The following ULK4 variants were observed in gnomAD, a reference collection of about 807,000 sequenced individuals.
ULK4 encodes inactive serine/threonine-protein kinase ULK4.
A neutral mutation model predicts 160.6 loss-of-function variants in ULK4; 133 were observed. That is an observed-to-expected ratio of 0.83 (90% CI 0.72 to 0.96). The LOEUF is 0.96. ULK4 is among the 40% of genes least tolerant of loss of function. The pLI is 0.00. For synonymous variants in ULK4, 534 were observed against 539.8 expected, an observed-to-expected ratio of 0.99 and a Z score of 0.15; for missense variants, 1,580 against 1,499.5, an observed-to-expected ratio of 1.05 and a Z score of -0.89.
intron 22 of ULK4, among the ~76,000 whole-genome samples, chr3:41,721,306 T>C (rs1179361593): frequency 8.8e-6 from 1 of 113,956 alleles, no homozygotes; most frequent in Non-Finnish European, 1.7e-5. Context: ...CATGAGTATG[T>C]GTTACCTACT....
chr3:41,925,233 C>G (rs1699336703), intron 5 of ULK4, among the ~76,000 whole-genome samples: 1 of 152,148 alleles, frequency 6.6e-6, no homozygotes, highest in South Asian at 2.1e-4. Flanking sequence ...GGTTGGACAG[C>G]GGGTGCAGCC....
Position 41,800,227 on chromosome 3 carries a change from G to C in ULK4, c.1915C>G (p.Gln639Glu), listed in dbSNP as rs184307431. The change falls in exon 20 of 37, where the codon CAG (glutamine) becomes GAG (glutamate). Residue 639 changes from glutamine (Q) to glutamate (E), a missense_variant. Transcript: ENST00000301831. ...IENVCTTFSA[Q>E]SQGFITGEIG... ...TCTCCTGTAATAAAGCCCTGGGACT[G>C]AGCAGAAAAGGTGGTACAGACATTT... 16 of 1,613,672 alleles carry C rather than the reference G, an allele frequency of 9.9e-6. No individual in the cohort carries two copies. In the East Asian group the frequency reaches 1.6e-4, roughly 16 times the overall value.
intron 17 of ULK4, among the ~76,000 whole-genome samples, chr3:41,853,313 T>C (rs945489723): frequency 6.6e-6 from 1 of 152,150 alleles, no homozygotes; most frequent in African/African-American, 2.4e-5. Flanking sequence ...TGCCTGCACA[T>C]GAGAATCACC....
At chr3:41,598,905 T>C (rs2031873355) in intron 31 of ULK4, among the ~76,000 whole-genome samples, 2 of 152,256 alleles carry the variant, frequency 1.3e-5, no homozygotes, top group Non-Finnish European at 2.9e-5. Flanking sequence ...GACAGTTCAC[T>C]GGAACAGAAA....
At chr3:41,321,604 C>G (rs750935192) in intron 35 of ULK4, among the ~76,000 whole-genome samples, 1 of 151,896 alleles carries the variant, frequency 6.6e-6, no homozygotes, top group Non-Finnish European at 1.5e-5. Context: ...TCAGCCAGAG[C>G]GAGGGAAAGA....
chr3:41,774,392 C>A (rs1287118627), intron 21 of ULK4, among the ~76,000 whole-genome samples: 1 of 150,564 alleles, frequency 6.6e-6, no homozygotes, highest in Admixed American at 6.6e-5. Context: ...ACCAAACAAC[C>A]CCATCACAAA....
intron 1 of ULK4, among the ~76,000 whole-genome samples, chr3:41,957,447 T>TGAA (rs751821456): frequency 0.012 from 203 of 17,360 alleles, 3 homozygotes; most frequent in Non-Finnish European, 0.056. Context: ...AGAGCACCAC[T>TGAA]CAAAAAAAAA....
At chr3:41,374,987 C>T (rs189875617) in intron 35 of ULK4, among the ~76,000 whole-genome samples, 5 of 151,066 alleles carry the variant, frequency 3.3e-5, no homozygotes, top group South Asian at 2.1e-4. Context: ...TTCTTATACA[C>T]CAGTAACAGA....
intron 21 of ULK4, among the ~76,000 whole-genome samples, chr3:41,761,354 T>C (rs2038979091): frequency 6.7e-6 from 1 of 148,582 alleles, no homozygotes; most frequent in Non-Finnish European, 1.5e-5. Context: ...CATATATGTA[T>C]ATGTATTATA....
chr3:41,395,191 CAAAAAA>C (rs11365283), intron 35 of ULK4, among the ~76,000 whole-genome samples: 1 of 106,378 alleles, frequency 9.4e-6, no homozygotes, highest in Non-Finnish European at 2.1e-5. Context: ...GAAAGCACTC[CAAAAAA>C]AAAAAAAAAA....
Position 41,728,129 on chromosome 3 carries a change from G to T in ULK4, c.2322-10268C>A, listed in dbSNP as rs1469760092. ...TATGTGAGTGTGAGTTCAGAGAAAAGGTTTAGGCTGATGACATTAATCTGA... is the reference window on the plus strand; with the variant it reads ...TATGTGAGTGTGAGTTCAGAGAAAATGTTTAGGCTGATGACATTAATCTGA... On this transcript the variant is annotated intron_variant, in intron 22 of 36. Coordinates refer to ENST00000301831, the MANE Select transcript of ULK4 (RefSeq NM_017886.4). Among the ~76,000 whole-genome samples the T allele has an allele frequency of 1.2e-4, 19 of 152,168 alleles. No individual in the cohort carries two copies. In the East Asian group the frequency reaches 2.7e-3, roughly 22 times the overall value.
At chr3:41,731,578 C>T (rs890488686) in intron 22 of ULK4, among the ~76,000 whole-genome samples, 1 of 149,714 alleles carries the variant, frequency 6.7e-6, no homozygotes, top group Non-Finnish European at 1.5e-5. Context: ...AGATTAAATG[C>T]AATTCTTATC....
intron 34 of ULK4, among the ~76,000 whole-genome samples, chr3:41,448,236 G>A (rs1275962841): frequency 6.6e-6 from 1 of 152,096 alleles, no homozygotes; most frequent in Admixed American, 6.5e-5. Context: ...GGAGGCTGGG[G>A]ATGCTATGGG....
chr3:41,868,016 G>A (rs9874513), intron 17 of ULK4, among the ~76,000 whole-genome samples: 27,268 of 152,028 alleles, frequency 0.18, 2,518 homozygotes, highest in Middle Eastern at 0.32. Context: ...TTGTTATAAA[G>A]AGATGTTTTA....
At chr3:41,906,975 GAGCA>G (rs1466620946) in intron 12 of ULK4, among the ~76,000 whole-genome samples, 1 of 116,864 alleles carries the variant, frequency 8.6e-6, no homozygotes, top group Non-Finnish European at 2.0e-5. Context: ...CCTGGCGACT[GAGCA>G]AGACTGTCTC....
intron 35 of ULK4, among the ~76,000 whole-genome samples, chr3:41,383,465 C>A (rs2081722283): frequency 6.6e-6 from 1 of 152,132 alleles, no homozygotes; most frequent in African/African-American, 2.4e-5. Flanking sequence ...TGTTCTGAGA[C>A]TGGTTTTGTT....
chr3:41,782,367 T>C (rs527853219), intron 21 of ULK4, among the ~76,000 whole-genome samples: 10 of 152,252 alleles, frequency 6.6e-5, no homozygotes, highest in Non-Finnish European at 1.3e-4. Context: ...AGACAAAGCA[T>C]TATTTTGTAA....
rs145373568 is a variant in ULK4 at position 41,406,745 on chromosome 3, A to G, written c.3493-8481T>C. Among the ~76,000 whole-genome samples, 451 of 152,184 alleles carry G rather than the reference A, an allele frequency of 3.0e-3. 1 individual carries two copies. The highest frequency in any genetic ancestry group is 5.6e-3 in the Non-Finnish European group (378 of 68,020). On this transcript the variant is annotated intron_variant, in intron 34 of 36. Coordinates refer to ENST00000301831, the MANE Select transcript of ULK4 (RefSeq NM_017886.4). Reference sequence around the variant, plus strand: ...TTTTCCAGTGATGACCATTAAATTTATTTTACTCCCTGATTTATTAATAGT... The same window carrying G: ...TTTTCCAGTGATGACCATTAAATTTGTTTTACTCCCTGATTTATTAATAGT...
At chr3:41,762,336 A>G (rs1265877215) in intron 21 of ULK4, among the ~76,000 whole-genome samples, 1 of 152,062 alleles carries the variant, frequency 6.6e-6, no homozygotes, top group Admixed American at 6.6e-5. Context: ...TATTTCCATG[A>G]GTTCAACTGT....
Sources: gnomAD v4.1 joint callset for allele counts (sites outside exome capture counted in the v4.1 genomes callset) on GRCh38, gnomAD v4.1.1 for gene constraint, MANE v1.5 for transcripts, NCBI Gene and HGNC (gene_info 2026-07-23, HGNC 2026-07-21) for gene names.